GALNTL6: variants seen among roughly 807,000 people sequenced by gnomAD.
GALNTL6 encodes polypeptide N-acetylgalactosaminyltransferase like 6, also known as polypeptide N-acetylgalactosaminyltransferase-like 6.
GALNTL6 carries 46 observed loss-of-function variants against 73.7 expected under a neutral mutation model. The observed-to-expected ratio is 0.62, with a 90% CI of 0.49 to 0.80. GALNTL6 has a LOEUF of 0.80. Ranked by LOEUF, GALNTL6 falls within the 30% of genes least tolerant of loss-of-function variation. GALNTL6 has a pLI of 0.00. For synonymous variants in GALNTL6, 259 were observed against 263.7 expected (o/e 0.98, Z 0.17); for missense variants, 604 against 755.0 (o/e 0.80, Z 2.34).
rs1043320160 is a variant in GALNTL6 at position 172,242,616 on chromosome 4, T to C, written c.247+12852T>C. 5.3e-5 allele frequency among the ~76,000 whole-genome samples: 8 copies of C among 152,218 alleles called. No individual in the cohort carries two copies. In the South Asian group the frequency reaches 1.7e-3, roughly 31 times the overall value. ...ATAAGCCTCAGGAATTCTATGAAAT[T>C]ATGTCTTTTTGCTACTTCAATTTGT... is the stretch of plus-strand genomic sequence containing the variant. On this transcript the variant is annotated intron_variant, in intron 3 of 12. Coordinates refer to ENST00000506823, the MANE Select transcript of GALNTL6 (RefSeq NM_001034845.3).
intron 5 of GALNTL6, among the ~76,000 whole-genome samples, chr4:172,464,979 T>C (rs1411323523): frequency 6.6e-6 from 1 of 152,128 alleles, no homozygotes; most frequent in Non-Finnish European, 1.5e-5. Flanking sequence ...AGGCATAGAC[T>C]TGGAATAAAT....
intron 5 of GALNTL6, among the ~76,000 whole-genome samples, chr4:172,356,424 C>T (rs1179031713): frequency 6.6e-6 from 1 of 150,904 alleles, no homozygotes; most frequent in Non-Finnish European, 1.5e-5. Flanking sequence ...TATCCATCTG[C>T]TCTTAATTTA....
intron 2 of GALNTL6, among the ~76,000 whole-genome samples, chr4:171,935,203 G>T (rs568076828): frequency 6.6e-6 from 1 of 152,098 alleles, no homozygotes; most frequent in Admixed American, 6.6e-5. Flanking sequence ...TAATCAGGCC[G>T]ATCAAAGGAA....
chr4:172,585,102 T>C (rs763461667), intron 5 of GALNTL6, among the ~76,000 whole-genome samples: 1 of 115,044 alleles, frequency 8.7e-6, no homozygotes, highest in Non-Finnish European at 2.0e-5. Flanking sequence ...AAATATTTCA[T>C]GAACTAGAAA....
intron 10 of GALNTL6, among the ~76,000 whole-genome samples, chr4:173,002,324 A>C (rs1267063737): frequency 6.6e-6 from 1 of 151,924 alleles, no homozygotes; most frequent in Non-Finnish European, 1.5e-5. Flanking sequence ...CAGGAGGTGG[A>C]GAGTACAGTG....
chr4:172,380,144 G>C lies in GALNTL6; in HGVS notation c.553+31455G>C. ...ATTTGCTAATGGATCATCTGGATTT[G>C]GAGCACTTAACAAGGCCTGGATCCG... On this transcript the variant is annotated intron_variant, in intron 5 of 12. Transcript: ENST00000506823. 4.8e-6 allele frequency: 5 copies of C among 1,046,470 alleles called. No homozygotes were observed. In the South Asian group the frequency reaches 6.3e-5, roughly 13 times the overall value. 64.8% of individuals were successfully genotyped at this position (1,046,470 alleles called of 1,614,324 possible).
intron 2 of GALNTL6, among the ~76,000 whole-genome samples, chr4:172,186,676 C>T (rs1735424863): frequency 6.6e-6 from 1 of 151,914 alleles, no homozygotes; most frequent in Non-Finnish European, 1.5e-5. Flanking sequence ...AAACTAAACA[C>T]AAAAGGTCAT....
In GALNTL6 at chr4:172,170,188, A is replaced by G. The variant is rs140498725; in HGVS notation, c.139-59468A>G. Among the ~76,000 whole-genome samples, 1,500 of 152,194 alleles carry G rather than the reference A, an allele frequency of 9.9e-3. 29 individuals are homozygous for G. The highest frequency in any genetic ancestry group is 0.035 in the African/African-American group (1,433 of 41,520). ...TATGGTTTGGCTGTGTCTCCACCCA[A>G]AATCTCATCTTGAATTGTAATAATC... On this transcript the variant is annotated intron_variant, in intron 2 of 12. Transcript: ENST00000506823.
intron 2 of GALNTL6, among the ~76,000 whole-genome samples, chr4:171,999,272 G>A (rs910713128): frequency 6.6e-6 from 1 of 152,112 alleles, no homozygotes; most frequent in African/African-American, 2.4e-5. Context: ...ACACCATAAT[G>A]ACCTCTACAA....
At chr4:172,642,975 C>G (rs1740059443) in intron 5 of GALNTL6, among the ~76,000 whole-genome samples, 1 of 151,648 alleles carries the variant, frequency 6.6e-6, no homozygotes, top group Admixed American at 6.6e-5. Flanking sequence ...TTTCTGTTGT[C>G]TATTCTAACC....
chr4:172,585,627 G>A (rs1202067821), intron 5 of GALNTL6, among the ~76,000 whole-genome samples: 4 of 152,054 alleles, frequency 2.6e-5, no homozygotes, highest in African/African-American at 4.8e-5. Flanking sequence ...TGGTGTATAC[G>A]TGCCACATTT....
At chr4:172,596,387 G>C (rs1470093765) in intron 5 of GALNTL6, among the ~76,000 whole-genome samples, 1 of 151,070 alleles carries the variant, frequency 6.6e-6, no homozygotes, top group Non-Finnish European at 1.5e-5. Context: ...AGAGGTTGCC[G>C]TGTGCTGTGA....
chr4:172,002,807 G>A (rs1740717511), intron 2 of GALNTL6, among the ~76,000 whole-genome samples: 1 of 152,072 alleles, frequency 6.6e-6, no homozygotes, highest in African/African-American at 2.4e-5. Flanking sequence ...ATCTGAGCTG[G>A]GAGATGGAGC....
chr4:172,238,182 T>C (rs1737302598), intron 3 of GALNTL6, among the ~76,000 whole-genome samples: 1 of 152,198 alleles, frequency 6.6e-6, no homozygotes, highest in Non-Finnish European at 1.5e-5. Context: ...ATCTGTAAAC[T>C]GATTTGGGCA....
intron 10 of GALNTL6, among the ~76,000 whole-genome samples, chr4:172,952,798 G>A (rs1749523242): frequency 6.6e-6 from 1 of 152,214 alleles, no homozygotes; most frequent in Middle Eastern, 3.2e-3. Flanking sequence ...TTACAGGCAT[G>A]AGCCACTATG....
At chr4:172,776,546 C>T (rs1449356177) in intron 5 of GALNTL6, among the ~76,000 whole-genome samples, 1 of 152,082 alleles carries the variant, frequency 6.6e-6, no homozygotes, top group Admixed American at 6.5e-5. Flanking sequence ...CAGTCTGACT[C>T]TCTATACATT....
At chr4:172,993,657 C>T (rs976077413) in intron 10 of GALNTL6, among the ~76,000 whole-genome samples, 5 of 152,200 alleles carry the variant, frequency 3.3e-5, no homozygotes, top group Non-Finnish European at 5.9e-5. Flanking sequence ...GACTACTGTT[C>T]GCTTCCCTCA....
At chr4:171,910,069 T>G (rs1737427005) in intron 2 of GALNTL6, among the ~76,000 whole-genome samples, 1 of 152,170 alleles carries the variant, frequency 6.6e-6, no homozygotes, top group African/African-American at 2.4e-5. Context: ...TCAATTGTCC[T>G]TTCCCTTTTA....
chr4:172,351,985 A>T (rs529630217), intron 5 of GALNTL6, among the ~76,000 whole-genome samples: 9 of 152,182 alleles, frequency 5.9e-5, no homozygotes, highest in Non-Finnish European at 1.3e-4. Flanking sequence ...ACAGCTATAC[A>T]TGAACAAAAA....
Sources: allele counts gnomAD v4.1 joint callset (sites outside exome capture counted in the v4.1 genomes callset), GRCh38; gene constraint gnomAD v4.1.1; transcripts MANE v1.5; gene names NCBI Gene and HGNC (gene_info 2026-07-23, HGNC 2026-07-21).